Variants in CRLF2 observed in about 807,000 individuals in gnomAD.
The protein encoded by CRLF2 is cytokine receptor-like factor 2.
CRLF2 carries 41 observed loss-of-function variants against 38.7 expected under a neutral mutation model. That is an observed-to-expected ratio of 1.06 (90% CI 0.83 to 1.37). CRLF2 has a LOEUF of 1.37. CRLF2 is among the 40% of genes most tolerant of loss of function. The pLI is 0.00. For synonymous variants in CRLF2, 140 were observed against 128.8 expected (o/e 1.09, Z -0.59); for missense variants, 377 against 322.2 (o/e 1.17, Z -1.30).
chrX:1,191,735 T>C (rs1414182582), intron 7 of CRLF2, among the ~76,000 whole-genome samples: 14 of 151,566 alleles, frequency 9.2e-5, no homozygotes, highest in South Asian at 6.3e-4. Flanking sequence ...TTCACCATGT[T>C]GGTCAGGCTG....
chrX:1,194,501 C>T (rs1233631350), intron 6 of CRLF2, among the ~76,000 whole-genome samples: 67,273 of 151,414 alleles, frequency 0.44, 15,366 homozygotes, highest in East Asian at 0.66. Context: ...GTGTGACGGA[C>T]AGTGAGCCAC....
At chrX:1,195,832 T>TATATATC (rs1166104376) in intron 6 of CRLF2, among the ~76,000 whole-genome samples, 1 of 141,114 alleles carries the variant, frequency 7.1e-6, no homozygotes, top group Non-Finnish European at 1.5e-5. Context: ...TATTATATAT[T>TATATATC]AAATTATATA....
chrX:1,208,785 C>G, intron 2 of CRLF2, 21 bp downstream of exon 2: 1 of 1,473,056 alleles, frequency 6.8e-7, no homozygotes, highest in Non-Finnish European at 9.5e-7. Context: ...GCGTGGGGTT[C>G]GCTTTCTGGG....
At position 1,206,565 on chromosome X, in the gene CRLF2, T is replaced by C. The variant is rs2086694960; in HGVS notation, c.217A>G (p.Asn73Asp). 6.2e-7 allele frequency: 1 copy of C among 1,613,544 alleles called. No homozygotes were observed. Among genetic ancestry groups the C allele is most frequent in the Non-Finnish European group, 8.5e-7 (1 of 1,179,630 alleles). Residue 73 changes from asparagine to aspartate, a missense_variant, in exon 3 of 8, where the codon AAC becomes GAC. Transcript: ENST00000400841. ...NGDEAYDQCTNYLLQEGHTSG... is the reference protein window; with the variant it reads ...NGDEAYDQCTDYLLQEGHTSG... Reference sequence around the variant, plus strand: ...GTGTGACCTTCCTGGAGAAGGTAGTTGGTGCACTGGTCATAGGCCTCATCA... The same window carrying C: ...GTGTGACCTTCCTGGAGAAGGTAGTCGGTGCACTGGTCATAGGCCTCATCA...
rs1221014781 is a variant in CRLF2, at chrX:1,193,208, G to A, written c.852+10C>T. 1 of 398,514 alleles carries A rather than the reference G, an allele frequency of 2.5e-6. No homozygotes were observed. Among genetic ancestry groups the A allele is most frequent in the African/African-American group, 2.1e-5 (1 of 48,740 alleles). 24.7% of individuals were successfully genotyped at this position (398,514 alleles called of 1,614,324 possible). ...GGAGAGGAGAAGAGACACAAGGAGA[G>A]GGCGGATACCTGGAAGTTCCCTTGG... On this transcript the variant is annotated intron_variant, in intron 7 of 7. Coordinates refer to ENST00000400841, the MANE Select transcript of CRLF2 (RefSeq NM_022148.4).
intron 5 of CRLF2, among the ~76,000 whole-genome samples, chrX:1,197,356 A>G (rs1459150263): frequency 6.6e-6 from 1 of 151,306 alleles, no homozygotes; most frequent in East Asian, 1.9e-4. Context: ...CTGGAAAGAG[A>G]CACCGTGTCT....
chrX:1,199,079 G>A, intron 4 of CRLF2: 1 of 399,348 alleles, frequency 2.5e-6, no homozygotes, highest in South Asian at 1.9e-5. Flanking sequence ...AACCTGGGAG[G>A]CGAAGGTTGT....
At chrX:1,201,808 T>G (rs866541341) in intron 4 of CRLF2, among the ~76,000 whole-genome samples, 3 of 149,570 alleles carry the variant, frequency 2.0e-5, no homozygotes, top group African/African-American at 7.5e-5. Flanking sequence ...GGGTAGGTAG[T>G]TAGATAGAGA....
At chrX:1,207,171 C>T (rs1294541759) in intron 2 of CRLF2, among the ~76,000 whole-genome samples, 3 of 152,120 alleles carry the variant, frequency 2.0e-5, no homozygotes, top group Non-Finnish European at 4.4e-5. Flanking sequence ...GTCTCGATCT[C>T]CTGACCTCAG....
In CRLF2 at chrX:1,190,973, G is replaced by A. The variant is rs1244861995; in HGVS notation, c.1040C>T (p.Pro347Leu). 1 of 398,748 alleles carries A rather than the reference G, an allele frequency of 2.5e-6. No homozygotes were observed. Among genetic ancestry groups the A allele is most frequent in the Non-Finnish European group, 4.4e-6 (1 of 226,166 alleles). The allele number at this position is 398,748 out of a possible 1,614,324, so 24.7% of individuals were successfully genotyped here. The stretch of plus-strand genomic sequence containing the variant: ...TGTGACCACATCACCGCCTTGGAGG[G>A]GCTGGTGGGGAAGCTGGAGGGATCC... ...SGGSLQLPHQ[P>L]LQGGDVVTIG... Residue 347 changes from proline to leucine, a missense_variant, in exon 8 of 8, where the codon CCC becomes CTC. By Grantham distance (98) the Pro-to-Leu change is moderately conservative. Transcript: ENST00000400841.
At chrX:1,208,990 C>CA (rs1229025873) in intron 1 of CRLF2, 82 bp from the exon 2 acceptor site, 2 of 841,700 alleles carry the variant, frequency 2.4e-6, no homozygotes, top group Non-Finnish European at 3.8e-6. Context: ...CTTTTTGAGA[C>CA]AGAGTCTCAC....
In CRLF2 at chrX:1,192,744, CTTT is replaced by C. The variant is rs2086413590; in HGVS notation, c.852+471_852+473del. Among the ~76,000 whole-genome samples the C allele has an allele frequency of 4.7e-3, 552 of 117,014 alleles. 4 individuals are homozygous for C. Among genetic ancestry groups the C allele is most frequent in the African/African-American group, 0.017 (522 of 30,940 alleles). The allele number at this position is 117,014 out of a possible 152,430, so 76.8% of individuals were successfully genotyped here. A position where few individuals can be genotyped will look rare whatever the true frequency, so the allele number is the denominator to read the frequency against. ...TCTTTCTTTCTTTCTTTCTTTCTTT[CTTT>C]CTTTCTTTCTTTCTTTCTTTCCTTC... On this transcript the variant is annotated intron_variant, in intron 7 of 7. Transcript: ENST00000400841.
chrX:1,206,046 T>C (rs1426098026), intron 3 of CRLF2, among the ~76,000 whole-genome samples: 2 of 152,112 alleles, frequency 1.3e-5, no homozygotes, highest in East Asian at 3.9e-4. Flanking sequence ...ATGAGATTGC[T>C]TTTCGGTACT....
rs767604943 is a variant in CRLF2 at position 1,198,746 on chromosome X, C to T, written c.484-22G>A. The T allele has an allele frequency of 5.5e-3, 6,283 of 1,137,834 alleles. 271 individuals are homozygous for T. Among genetic ancestry groups the T allele is most frequent in the African/African-American group, 0.032 (1,937 of 61,296 alleles). 70.5% of individuals were successfully genotyped at this position (1,137,834 alleles called of 1,614,324 possible). ...TGGACTGGAGAAACATACACACACA[C>T]ACACACACACACACACACACACACA... On this transcript the variant is annotated intron_variant, in intron 4 of 7. Coordinates refer to ENST00000400841, the MANE Select transcript of CRLF2 (RefSeq NM_022148.4).
intron 4 of CRLF2, among the ~76,000 whole-genome samples, chrX:1,201,822 T>G (rs1179848668): frequency 6.6e-6 from 1 of 151,992 alleles, no homozygotes; most frequent in African/African-American, 2.4e-5. Flanking sequence ...ATAGAGATGA[T>G]AGATAGTTGA....
intron 7 of CRLF2, among the ~76,000 whole-genome samples, 188 bp from the exon 8 acceptor site, chrX:1,191,348 T>TTCTTTCTTTC (rs1413878313): frequency 5.7e-5 from 7 of 122,828 alleles, no homozygotes; most frequent in South Asian, 3.2e-4. Context: ...TTTCTTTCCT[T>TTCTTTCTTTC]CTTTCTTTCT....
chrX:1,202,684 G>C, intron 3 of CRLF2, 149 bp from the exon 4 acceptor site: 1 of 912,248 alleles, frequency 1.1e-6, no homozygotes, highest in Non-Finnish European at 1.7e-6. Flanking sequence ...ACTTTTATAG[G>C]AGAAGCTTCC....
At position 1,190,598 on chromosome X, in the gene CRLF2, G is replaced by C. The variant is rs1222624641; in HGVS notation, c.*299C>G. 1 of 365,204 alleles carries C rather than the reference G, an allele frequency of 2.7e-6. No homozygotes were observed. The highest frequency in any genetic ancestry group is 2.1e-5 in the African/African-American group (1 of 48,140). The allele number at this position is 365,204 out of a possible 1,614,324, so 22.6% of individuals were successfully genotyped here. On this transcript the variant is annotated 3_prime_UTR_variant, in exon 8 of 8. Transcript: ENST00000400841. ...AAGATGGTTTTACAGCATTTTGGAC[G>C]TGCTGCCTTGGGGTTTATGTGACAA... is the stretch of plus-strand genomic sequence containing the variant.
chrX:1,206,334 A>C, intron 3 of CRLF2, 99 bp downstream of exon 3: 4 of 1,052,350 alleles, frequency 3.8e-6, no homozygotes, highest in Non-Finnish European at 5.9e-6. Flanking sequence ...AACGGTAATC[A>C]TGGATCCGGC....
Sources: allele counts gnomAD v4.1 joint callset (sites outside exome capture counted in the v4.1 genomes callset), GRCh38; gene constraint gnomAD v4.1.1; transcripts MANE v1.5; gene names NCBI Gene and HGNC (gene_info 2026-07-23, HGNC 2026-07-21).